The following STT3B variants were observed in gnomAD, a reference collection of about 807,000 sequenced individuals.
STT3B encodes dolichyl-diphosphooligosaccharide--protein glycosyltransferase subunit STT3B.
In STT3B, 29 loss-of-function variants were observed where a neutral mutation model predicts 96.8. The ratio of observed to expected loss-of-function variants is 0.30; its 90% CI spans 0.22 to 0.41. The LOEUF (loss-of-function observed/expected upper bound fraction) is 0.41. Ranked by LOEUF, STT3B falls within the 10% of genes least tolerant of loss-of-function variation. The probability of loss-of-function intolerance (pLI) is 1.00; values close to 1 mark genes in which losing one functional copy is unlikely to be tolerated. For missense variants in STT3B, 640 were observed against 1,022.3 expected, an observed-to-expected ratio of 0.63 and a Z score of 5.10; for synonymous variants, 367 against 360.0, an observed-to-expected ratio of 1.02 and a Z score of -0.22.
intron 7 of STT3B, 44 bp downstream of exon 7, chr3:31,617,119 C>T (rs377066293): frequency 3.4e-5 from 46 of 1,361,840 alleles, no homozygotes; most frequent in Admixed American, 5.0e-5. Flanking sequence ...TCTATACAAA[C>T]AATATAAGAA....
chr3:31,600,530 ATTTC>A (rs1698906317), intron 5 of STT3B, 71 bp downstream of exon 5: 1 of 716,864 alleles, frequency 1.4e-6, no homozygotes, highest in African/African-American at 1.8e-5. Context: ...TTGAAGAGAT[ATTTC>A]TATTTGGTCA....
Position 31,636,248 on chromosome 3 carries a change from T to G in STT3B, c.*184T>G. 1 of 455,536 alleles carries G rather than the reference T, an allele frequency of 2.2e-6. No homozygotes were observed. Among genetic ancestry groups the G allele is most frequent in the Non-Finnish European group, 4.0e-6 (1 of 250,450 alleles). The allele number at this position is 455,536 out of a possible 1,614,324, so 28.2% of individuals were successfully genotyped here. ...ATTGGCTTGTTGAGAACAGCTGTTT[T>G]CGATTTCTAATGTGAAGCAAGACAG... On this transcript the variant is annotated 3_prime_UTR_variant, in exon 16 of 16. Coordinates refer to ENST00000295770, the MANE Select transcript of STT3B (RefSeq NM_178862.3).
At chr3:31,593,468 G>A (rs1698713354) in intron 3 of STT3B, among the ~76,000 whole-genome samples, 1 of 151,956 alleles carries the variant, frequency 6.6e-6, no homozygotes, top group African/African-American at 2.4e-5. Context: ...GGGTTTCATG[G>A]ATCTGTAGAT....
chr3:31,624,509 A>G (rs1699491019), intron 11 of STT3B, among the ~76,000 whole-genome samples: 3 of 152,228 alleles, frequency 2.0e-5, no homozygotes, highest in Admixed American at 1.3e-4. Flanking sequence ...GCTGGGGCCT[A>G]GCAGTCTGTG....
At chr3:31,619,542 C>T (rs1391045896) in intron 8 of STT3B, 134 bp from the exon 9 acceptor site, 21 of 702,104 alleles carry the variant, frequency 3.0e-5, no homozygotes, top group Non-Finnish European at 4.7e-5. Context: ...TAACTGGTTA[C>T]CTTGGAAGGT....
intron 1 of STT3B, among the ~76,000 whole-genome samples, chr3:31,568,513 C>T (rs1001506860): frequency 1.3e-5 from 2 of 152,148 alleles, no homozygotes; most frequent in African/African-American, 4.8e-5. Context: ...ACATCTTAAC[C>T]AGCATTTGTT....
intron 5 of STT3B, among the ~76,000 whole-genome samples, chr3:31,600,852 T>C (rs1421731306): frequency 1.3e-5 from 2 of 152,140 alleles, no homozygotes; most frequent in Non-Finnish European, 2.9e-5. Context: ...TTGGATAATG[T>C]ACTAATAGAC....
At chr3:31,596,579 T>C (rs2125461614) in intron 3 of STT3B, among the ~76,000 whole-genome samples, 1 of 152,324 alleles carries the variant, frequency 6.6e-6, no homozygotes, top group Middle Eastern at 3.4e-3. Context: ...TACTGAAAAC[T>C]ACATAACAGA....
chr3:31,624,861 GCCT>G lies in STT3B; in HGVS notation c.1728-51_1728-49del, dbSNP rs1224096920. On this transcript the variant is annotated intron_variant, in intron 11 of 15. Coordinates refer to ENST00000295770, the MANE Select transcript of STT3B (RefSeq NM_178862.3). ...TTTAATACCTCAAGATTTTAAGTTA[GCCT>G]CTTCACATTTGTGACATCTCATTTA... 2.8e-6 allele frequency: 4 copies of G among 1,421,234 alleles called. No individual in the cohort carries two copies. In the African/African-American group the frequency reaches 4.3e-5, roughly 15 times the overall value. The allele number at this position is 1,421,234 out of a possible 1,614,324, so 88.0% of individuals were successfully genotyped here. A position where few individuals can be genotyped will look rare whatever the true frequency, so the allele number is the denominator to read the frequency against.
In STT3B at chr3:31,589,920, C is replaced by T. The variant is rs1046718172; in HGVS notation, c.712-6878C>T. 2.0e-5 allele frequency among the ~76,000 whole-genome samples: 3 copies of T among 151,926 alleles called. No individual in the cohort carries two copies. The South Asian group carries it at 6.2e-4, about 32-fold the overall frequency. ...CTGCCCTATTTCCTGAAATAATTCT[C>T]GTAGGATTGGTATTACTTCTTCTTT... On this transcript the variant is annotated intron_variant, in intron 3 of 15. Coordinates refer to ENST00000295770, the MANE Select transcript of STT3B (RefSeq NM_178862.3).
chr3:31,567,100 G>C (rs1237533612), intron 1 of STT3B, among the ~76,000 whole-genome samples: 1 of 152,128 alleles, frequency 6.6e-6, no homozygotes, highest in East Asian at 1.9e-4. Context: ...ACAACCCTGA[G>C]CCCTCACTTG....
intron 3 of STT3B, among the ~76,000 whole-genome samples, chr3:31,580,607 A>C (rs1469755962): frequency 6.6e-6 from 1 of 152,128 alleles, no homozygotes. Context: ...GAAATTACCA[A>C]AATTTGTGTG....
intron 5 of STT3B, among the ~76,000 whole-genome samples, chr3:31,602,467 T>C (rs1012549148): frequency 5.3e-5 from 8 of 152,044 alleles, no homozygotes; most frequent in African/African-American, 1.9e-4. Context: ...CTTTATGAAA[T>C]GCCATGATTC....
rs1312488850 is a variant in STT3B at position 31,623,720 on chromosome 3, A to AG, written c.1589dup (p.Leu531IlefsTer4). 6.2e-7 allele frequency: 1 copy of AG among 1,613,676 alleles called. No individual in the cohort carries two copies. Among genetic ancestry groups the AG allele is most frequent in the South Asian group, 1.1e-5 (1 of 91,028 alleles). On this transcript the variant is annotated frameshift_variant, in exon 11 of 16. Transcript: ENST00000295770. LOFTEE classifies it high-confidence loss of function. ...GCAACTGAACAGGAAAAAACTGAAGAGGGATTAGGCCCTAATATAAAAAGC... is the reference window on the plus strand; with the variant it reads ...GCAACTGAACAGGAAAAAACTGAAGAGGGGATTAGGCCCTAATATAAAAAGC...
chr3:31,533,128 G>T lies in STT3B; in HGVS notation c.130G>T (p.Ala44Ser). The T allele has an allele frequency of 7.6e-7, 1 of 1,308,994 alleles. No homozygotes were observed. The highest frequency in any genetic ancestry group is 4.2e-5 in the Admixed American group (1 of 24,042). The allele number at this position is 1,308,994 out of a possible 1,614,324, so 81.1% of individuals were successfully genotyped here. A position where few individuals can be genotyped will look rare whatever the true frequency, so the allele number is the denominator to read the frequency against. ...GCCCGGGGCCCAGTGCGCGCACAAG[G>T]CGGCGGGCGGCGCGGCGCCGCCGAA... ...HGPGAQCAHK[A>S]AGGAAPPKPA... Residue 44 changes from alanine to serine, a missense_variant, in exon 1 of 16, where the codon GCG becomes TCG. Around this residue, in one of 8 missense-constraint regions of STT3B, gnomAD observed 89 missense variants for 81.7 expected, o/e 1.09. Coordinates refer to ENST00000295770, the MANE Select transcript of STT3B (RefSeq NM_178862.3).
intron 1 of STT3B, among the ~76,000 whole-genome samples, chr3:31,572,643 C>T (rs1383814313): frequency 6.6e-6 from 1 of 152,178 alleles, no homozygotes; most frequent in East Asian, 1.9e-4. Context: ...GAGAGGATTG[C>T]TTGAGCCCAA....
chr3:31,616,164 A>C (rs558176732), intron 6 of STT3B, among the ~76,000 whole-genome samples: 4 of 152,028 alleles, frequency 2.6e-5, no homozygotes, highest in African/African-American at 9.6e-5. Flanking sequence ...ATAAGATTGG[A>C]CAAAGAGAAG....
At chr3:31,613,106 G>A (rs76330466) in intron 5 of STT3B, among the ~76,000 whole-genome samples, 1,716 of 152,162 alleles carry the variant, frequency 0.011, 43 homozygotes, top group African/African-American at 0.037. Context: ...TTGTTTTGGG[G>A]TAATGAAAAT....
chr3:31,637,424 A>C lies in STT3B; in HGVS notation c.*1360A>C, dbSNP rs1413807625. On this transcript the variant is annotated 3_prime_UTR_variant, in exon 16 of 16. Transcript: ENST00000295770. ...GTGTAGAATATTCTTTGATTTATAG[A>C]ATTCATTTTTGACCCAGATGATGGT... 6.6e-6 allele frequency: 1 copy of C among 152,132 alleles called. No homozygotes were observed. Among genetic ancestry groups the C allele is most frequent in the Non-Finnish European group, 1.5e-5 (1 of 67,982 alleles). The allele number at this position is 152,132 out of a possible 1,614,324, so 9.4% of individuals were successfully genotyped here.
Sources: gnomAD v4.1 joint callset for allele counts (sites outside exome capture counted in the v4.1 genomes callset) on GRCh38, gnomAD v4.1.1 for gene constraint, gnomAD v4.1.1 regional missense constraint, MANE v1.5 for transcripts, NCBI Gene and HGNC (gene_info 2026-07-23, HGNC 2026-07-21) for gene names.